DOP1A: variants seen among roughly 807,000 people sequenced by gnomAD.
The protein encoded by DOP1A is protein DOP1A.
DOP1A carries 90 observed loss-of-function variants against 267.6 expected under a neutral mutation model. The ratio of observed to expected loss-of-function variants is 0.34; its 90% CI spans 0.28 to 0.40. DOP1A has a LOEUF of 0.40. Ranked by LOEUF, DOP1A falls within the 10% of genes least tolerant of loss-of-function variation. The pLI is 1.00. For synonymous variants in DOP1A, 932 were observed against 999.1 expected (o/e 0.93, Z 1.27); for missense variants, 2,437 against 2,900.4 (o/e 0.84, Z 3.67).
chr6:83,128,770 A>G (rs1777581064), intron 15 of DOP1A, 117 bp from the exon 16 acceptor site: 5 of 1,229,162 alleles, frequency 4.1e-6, no homozygotes, highest in Non-Finnish European at 5.5e-6. Context: ...TTAAGAGTCA[A>G]CAGAATGGGC....
chr6:83,140,478 G>T, intron 23 of DOP1A, 75 bp downstream of exon 23: 1 of 1,209,130 alleles, frequency 8.3e-7, no homozygotes, highest in African/African-American at 1.5e-5. Flanking sequence ...CAGAATATGT[G>T]AATAATTTGT....
intron 6 of DOP1A, among the ~76,000 whole-genome samples, chr6:83,112,552 C>T (rs1282734562): frequency 3.9e-5 from 6 of 152,188 alleles, no homozygotes; most frequent in Non-Finnish European, 8.8e-5. Flanking sequence ...CAACCTCCAC[C>T]TCCAGGGTTC....
chr6:83,145,354 G>T (rs1427314816), intron 24 of DOP1A, among the ~76,000 whole-genome samples, 170 bp from the exon 25 acceptor site: 2 of 138,304 alleles, frequency 1.4e-5, no homozygotes, highest in African/African-American at 5.5e-5. Flanking sequence ...GGCTAAGGCA[G>T]GAGGATCATT....
intron 24 of DOP1A, among the ~76,000 whole-genome samples, chr6:83,142,577 G>A (rs1779838269): frequency 6.6e-6 from 1 of 151,894 alleles, no homozygotes; most frequent in South Asian, 2.1e-4. Flanking sequence ...TGTGAAAAAA[G>A]AGAAATTAGT....
At chr6:83,139,709 G>T (rs1779324801) in intron 21 of DOP1A, among the ~76,000 whole-genome samples, 1 of 152,010 alleles carries the variant, frequency 6.6e-6, no homozygotes, top group African/African-American at 2.4e-5. Context: ...TGCCTGTATT[G>T]TTTAATATTA....
intron 10 of DOP1A, among the ~76,000 whole-genome samples, chr6:83,121,525 G>T (rs1776381507): frequency 1.3e-5 from 2 of 151,564 alleles, no homozygotes; most frequent in Admixed American, 1.3e-4. Flanking sequence ...AGTAGCTTTT[G>T]TTGAATACTT....
intron 1 of DOP1A, among the ~76,000 whole-genome samples, chr6:83,083,085 G>A (rs1768426114): frequency 6.6e-6 from 1 of 152,074 alleles, no homozygotes; most frequent in South Asian, 2.1e-4. Context: ...TGGGATTACA[G>A]GCATGAGCCA....
chr6:83,170,534 A>T, downstream of DOP1A: 2 of 1,377,048 alleles, frequency 1.5e-6, no homozygotes, highest in Non-Finnish European at 2.0e-6. Context: ...CAGAAGCTTA[A>T]CCTGTTAAAC....
chr6:83,157,211 C>T lies in DOP1A; in HGVS notation c.6634C>T (p.Gln2212Ter). The change falls in exon 35 of 39, where the codon CAG (glutamine) becomes TAG (stop). Residue 2212 changes from glutamine (Q) to a stop codon, truncating the protein, a stop_gained. Coordinates refer to ENST00000349129, the MANE Select transcript of DOP1A (RefSeq NM_015018.4). LOFTEE classifies it high-confidence loss of function. ...ATTGGTTGAGAGTCTCCGTTTGCCA[C>T]AGGTGCCAACTCTCCATTCTCAAGT... ...ERLVESLRLP[Q>*]VPTLHSQVFL... is the part of the protein sequence containing the mutation. 1 of 1,613,628 alleles carries T rather than the reference C, an allele frequency of 6.2e-7. No homozygotes were observed. The highest frequency in any genetic ancestry group is 8.5e-7 in the Non-Finnish European group (1 of 1,179,906).
chr6:83,077,489 T>A (rs1767301479), intron 1 of DOP1A, among the ~76,000 whole-genome samples: 1 of 151,770 alleles, frequency 6.6e-6, no homozygotes, highest in African/African-American at 2.4e-5. Context: ...GGCAAGAAAG[T>A]AAGACCCTGT....
chr6:83,148,543 T>C (rs927301498), intron 26 of DOP1A, among the ~76,000 whole-genome samples: 1 of 152,184 alleles, frequency 6.6e-6, no homozygotes, highest in Admixed American at 6.5e-5. Context: ...GAGACCAGCC[T>C]GGGCAACATG....
intron 1 of DOP1A, among the ~76,000 whole-genome samples, chr6:83,087,644 A>G (rs374683805): frequency 3.3e-5 from 5 of 152,224 alleles, no homozygotes; most frequent in Non-Finnish European, 7.3e-5. Context: ...TATCATTTCT[A>G]TCCTTCAGTT....
chr6:83,095,436 G>A (rs1444073157), intron 1 of DOP1A, among the ~76,000 whole-genome samples: 1 of 152,104 alleles, frequency 6.6e-6, no homozygotes, highest in Non-Finnish European at 1.5e-5. Context: ...TTGTTGGAAA[G>A]ACTATTCTTA....
chr6:83,088,176 A>G (rs920316716), intron 1 of DOP1A, among the ~76,000 whole-genome samples: 5 of 151,598 alleles, frequency 3.3e-5, no homozygotes, highest in African/African-American at 1.2e-4. Flanking sequence ...CCGGCCAACC[A>G]TTGATGGGTT....
At chr6:83,074,545 A>G (rs1385057114) in intron 1 of DOP1A, among the ~76,000 whole-genome samples, 3 of 152,230 alleles carry the variant, frequency 2.0e-5, no homozygotes, top group Non-Finnish European at 4.4e-5. Context: ...GACTTCTAGT[A>G]TCCATACAAC....
intron 16 of DOP1A, 132 bp from the exon 17 acceptor site, chr6:83,129,991 T>G: frequency 9.2e-7 from 1 of 1,086,792 alleles, no homozygotes; most frequent in East Asian, 2.5e-5. Flanking sequence ...CTAGACTAGG[T>G]GAGAAACCAT....
At chr6:83,086,580 A>G (rs1044879292) in intron 1 of DOP1A, among the ~76,000 whole-genome samples, 2 of 152,196 alleles carry the variant, frequency 1.3e-5, no homozygotes, top group Non-Finnish European at 2.9e-5. Flanking sequence ...CATAAACTGA[A>G]AAAAAGAGGC....
Position 83,140,515 on chromosome 6 carries a change from A to T in DOP1A, c.5415+112A>T, listed in dbSNP as rs1272942470. On this transcript the variant is annotated intron_variant, in intron 23 of 38. Coordinates refer to ENST00000349129, the MANE Select transcript of DOP1A (RefSeq NM_015018.4). The stretch of plus-strand genomic sequence containing the variant: ...TAGTATTTACAGGACTCTGCTAATT[A>T]TCAAATAATTTTTAACAGTTTTCCT... 3 of 905,746 alleles carry T rather than the reference A, an allele frequency of 3.3e-6. No homozygotes were observed. The Admixed American group carries it at 8.5e-5, about 26-fold the overall frequency. The allele number at this position is 905,746 out of a possible 1,614,324, so 56.1% of individuals were successfully genotyped here.
intron 34 of DOP1A, among the ~76,000 whole-genome samples, chr6:83,156,312 T>C (rs1050149414): frequency 6.6e-6 from 1 of 152,010 alleles, no homozygotes; most frequent in African/African-American, 2.4e-5. Flanking sequence ...AAATGTGGTC[T>C]CTATTTTATT....
Sources: allele counts gnomAD v4.1 joint callset (sites outside exome capture counted in the v4.1 genomes callset), GRCh38; gene constraint gnomAD v4.1.1; transcripts MANE v1.5; gene names NCBI Gene and HGNC (gene_info 2026-07-23, HGNC 2026-07-21).